The following MYO1H variants were observed in gnomAD, a reference collection of about 807,000 sequenced individuals.
The protein encoded by MYO1H is unconventional myosin-Ih.
MYO1H carries 118 observed loss-of-function variants against 149.3 expected under a neutral mutation model. The ratio of observed to expected loss-of-function variants is 0.79; its 90% CI spans 0.68 to 0.92. The LOEUF is 0.92. MYO1H is among the 40% of genes least tolerant of loss of function. The pLI, the probability that MYO1H is intolerant of heterozygous loss-of-function variation, is 0.00. For synonymous variants in MYO1H, 447 were observed against 465.2 expected, an observed-to-expected ratio of 0.96 and a Z score of 0.50; for missense variants, 1,212 against 1,280.7, an observed-to-expected ratio of 0.95 and a Z score of 0.82.
At chr12:109,353,702 A>T (rs1418409504) in intron 1 of MYO1H, among the ~76,000 whole-genome samples, 2 of 152,126 alleles carry the variant, frequency 1.3e-5, no homozygotes, top group Admixed American at 6.5e-5. Flanking sequence ...CCCAGGCTGG[A>T]GTGCAGTGGC....
At chr12:109,318,547 T>G in the MYO1H span, among the ~76,000 whole-genome samples, 3 of 152,190 alleles carry the variant, frequency 2.0e-5, no homozygotes, top group Non-Finnish European at 4.4e-5. Context: ...CAATAAATGA[T>G]GAAGGCACAG....
the MYO1H span, among the ~76,000 whole-genome samples, chr12:109,318,912 G>T: frequency 6.6e-6 from 1 of 151,074 alleles, no homozygotes; most frequent in Admixed American, 6.6e-5. Context: ...TGATGGGCGG[G>T]AGTGAGGGGA....
At chr12:109,446,044 G>GT (rs1872465993) in intron 31 of MYO1H, 1 of 985,196 alleles carries the variant, frequency 1.0e-6, no homozygotes, top group Non-Finnish European at 1.2e-6. Context: ...AAATATAAAC[G>GT]TAAGAAAAAT....
intron 31 of MYO1H, 38 bp downstream of exon 31, chr12:109,445,650 A>G: frequency 6.3e-7 from 1 of 1,594,720 alleles, no homozygotes; most frequent in Non-Finnish European, 8.5e-7. Flanking sequence ...AAGCCGTTTT[A>G]GATGAGAATA....
At chr12:109,426,022 G>GCAT in exon 18 of MYO1H, 1 of 1,613,812 alleles carries the variant, frequency 6.2e-7, no homozygotes, top group African/African-American at 1.3e-5. Flanking sequence ...TACATCCGTT[G>GCAT]CATCAAGCCC....
the MYO1H span, among the ~76,000 whole-genome samples, chr12:109,335,308 G>A: frequency 6.6e-6 from 1 of 152,096 alleles, no homozygotes; most frequent in African/African-American, 2.4e-5. Context: ...CCAGAGCAGG[G>A]AGCAGGTGTG....
At chr12:109,446,958 C>T in intron 31 of MYO1H, 1 of 627,670 alleles carries the variant, frequency 1.6e-6, no homozygotes, top group Non-Finnish European at 2.9e-6. Flanking sequence ...CATCTTCCTC[C>T]CTGACTGGTT....
intron 15 of MYO1H, among the ~76,000 whole-genome samples, chr12:109,420,583 A>G (rs1054835375): frequency 7.2e-5 from 11 of 152,182 alleles, no homozygotes; most frequent in South Asian, 6.2e-4. Context: ...AACTATCATG[A>G]GAACAGCGAG....
At chr12:109,357,094 G>A (rs1444764966) in intron 1 of MYO1H, 1 of 148,430 alleles carries the variant, frequency 6.7e-6, no homozygotes, top group East Asian at 2.0e-4. Context: ...TCTGGTCATT[G>A]AACAAAAATG....
intron 6 of MYO1H, among the ~76,000 whole-genome samples, chr12:109,401,664 G>T (rs1304283024): frequency 2.6e-5 from 4 of 152,106 alleles, no homozygotes; most frequent in Non-Finnish European, 5.9e-5. Context: ...GAGGAGCGCT[G>T]ATCTGGATGT....
upstream of MYO1H, among the ~76,000 whole-genome samples, chr12:109,347,457 T>G (rs1399607902): frequency 6.6e-6 from 1 of 152,144 alleles, no homozygotes; most frequent in Non-Finnish European, 1.5e-5. Flanking sequence ...AACCTTGAAG[T>G]TACCCAATCA....
At chr12:109,375,608 A>G (rs1566020759) in intron 1 of MYO1H, among the ~76,000 whole-genome samples, 1 of 152,196 alleles carries the variant, frequency 6.6e-6, no homozygotes, top group African/African-American at 2.4e-5. Context: ...ATATCATTTA[A>G]TAAAATGTAT....
At chr12:109,338,248 G>A in the MYO1H span, among the ~76,000 whole-genome samples, 1 of 152,142 alleles carries the variant, frequency 6.6e-6, no homozygotes, top group Non-Finnish European at 1.5e-5. Context: ...AAACCATTTA[G>A]AATACCAACC....
intron 2 of MYO1H, 64 bp downstream of exon 2, chr12:109,388,908 T>A: frequency 6.5e-7 from 1 of 1,527,336 alleles, no homozygotes; most frequent in Non-Finnish European, 8.9e-7. Context: ...CTTCACGACT[T>A]TGATGAGTGT....
chr12:109,444,081 G>T, intron 28 of MYO1H, 132 bp from the exon 29 acceptor site: 1 of 724,160 alleles, frequency 1.4e-6, no homozygotes, highest in South Asian at 1.6e-5. Context: ...TCTAAAGTAT[G>T]CCCTTCATCC....
chr12:109,334,369 T>C, the MYO1H span, among the ~76,000 whole-genome samples: 1 of 152,066 alleles, frequency 6.6e-6, no homozygotes, highest in Admixed American at 6.6e-5. Context: ...TTGACAGGGG[T>C]CTTGCTATGT....
intron 1 of MYO1H, among the ~76,000 whole-genome samples, chr12:109,365,367 C>T (rs139745882): frequency 3.9e-5 from 6 of 152,320 alleles, no homozygotes; most frequent in African/African-American, 7.2e-5. Context: ...ATTCCAGTTC[C>T]GTCATGAAAC....
upstream of MYO1H, among the ~76,000 whole-genome samples, chr12:109,346,434 TA>T (rs1038357336): frequency 2.4e-4 from 37 of 152,304 alleles, no homozygotes; most frequent in African/African-American, 8.4e-4. Flanking sequence ...ATATTTCAAT[TA>T]AAAATATATT....
intron 1 of MYO1H, among the ~76,000 whole-genome samples, chr12:109,348,707 G>C (rs541629475): frequency 6.6e-6 from 1 of 152,294 alleles, no homozygotes; most frequent in East Asian, 1.9e-4. Flanking sequence ...TAAGCATAAA[G>C]ACTTCCAAGG....
Sources: allele counts gnomAD v4.1 joint callset (sites outside exome capture counted in the v4.1 genomes callset), GRCh38; gene constraint gnomAD v4.1.1; transcripts MANE v1.5; gene names NCBI Gene and HGNC (gene_info 2026-07-23, HGNC 2026-07-21).